POR: variants seen among roughly 807,000 people sequenced by gnomAD.
The protein encoded by POR is cytochrome p450 oxidoreductase, also known as NADPH--cytochrome P450 reductase.
In POR, 56 loss-of-function variants were observed where a neutral mutation model predicts 84.0. That is an observed-to-expected ratio of 0.67 (90% CI 0.54 to 0.83). The LOEUF (loss-of-function observed/expected upper bound fraction) is 0.83. Ranked by LOEUF, POR falls within the 40% of genes least tolerant of loss-of-function variation. POR has a pLI of 0.00. For synonymous variants in POR, 414 were observed against 400.5 expected (o/e 1.03, Z -0.40); for missense variants, 938 against 944.3 (o/e 0.99, Z 0.09).
At chr7:75,964,919 G>A (rs911815085) in intron 2 of POR, among the ~76,000 whole-genome samples, 2 of 152,058 alleles carry the variant, frequency 1.3e-5, no homozygotes, top group Admixed American at 1.3e-4. Context: ...ACCTGTCATC[G>A]CAGCACTTTG....
intron 2 of POR, among the ~76,000 whole-genome samples, chr7:75,971,727 C>T (rs534731917): frequency 1.1e-4 from 16 of 152,084 alleles, no homozygotes; most frequent in African/African-American, 3.4e-4. Flanking sequence ...CTGACCCTTG[C>T]GCAGGACCTT....
intron 11 of POR, 43 bp from the exon 12 acceptor site, chr7:75,985,015 C>T: frequency 6.3e-7 from 1 of 1,580,766 alleles, no homozygotes; most frequent in Non-Finnish European, 8.6e-7. Context: ...TTTCCGAGCT[C>T]CGTGGGCCCC....
At chr7:75,915,820 G>A (rs1806537383) in intron 1 of POR, 1 of 152,176 alleles carries the variant, frequency 6.6e-6, no homozygotes, top group African/African-American at 2.4e-5. Flanking sequence ...GGGAGCAATT[G>A]GGTAAGAGTT....
At chr7:75,951,521 C>T (rs2116399305) in intron 1 of POR, among the ~76,000 whole-genome samples, 1 of 152,328 alleles carries the variant, frequency 6.6e-6, no homozygotes, top group South Asian at 2.1e-4. Context: ...GGCCTGTTCC[C>T]AGCAGGTTGT....
chr7:75,939,536 C>CTTT (rs3043448), intron 1 of POR, among the ~76,000 whole-genome samples: 3 of 126,098 alleles, frequency 2.4e-5, no homozygotes, highest in Admixed American at 8.3e-5. Flanking sequence ...TACTCAACAG[C>CTTT]TTTTTTTTTT....
chr7:75,983,884 C>T (rs533482743), intron 10 of POR, 28 bp downstream of exon 10: 42 of 1,548,158 alleles, frequency 2.7e-5, no homozygotes, highest in South Asian at 1.1e-4. Context: ...GGCGCCCTGC[C>T]GGGCTCAGGC....
intron 1 of POR, among the ~76,000 whole-genome samples, chr7:75,952,317 C>T (rs1457708743): frequency 1.4e-5 from 2 of 138,514 alleles, no homozygotes; most frequent in African/African-American, 2.8e-5. Context: ...CCGGATGGGG[C>T]GGCTGGCCGG....
intron 1 of POR, among the ~76,000 whole-genome samples, chr7:75,945,666 T>C (rs1554552054): frequency 3.3e-5 from 5 of 151,924 alleles, no homozygotes; most frequent in African/African-American, 7.3e-5. Flanking sequence ...ATGACCCCGC[T>C]CCCCCTGCAG....
In POR at chr7:75,955,139, G is replaced by A. The variant is rs560598782; in HGVS notation, c.188+959G>A. Among the ~76,000 whole-genome samples, 3 of 152,312 alleles carry A rather than the reference G, an allele frequency of 2.0e-5. No individual in the cohort carries two copies. In the South Asian group the frequency reaches 6.2e-4, roughly 32 times the overall value. ...TTACAGGCGTGAGCCACTGTACCCA[G>A]CCTAGAATTGGCATTTTAAAGTCTT... On this transcript the variant is annotated intron_variant, in intron 2 of 15. Coordinates refer to ENST00000461988, the MANE Select transcript of POR (RefSeq NM_000941.3).
chr7:75,975,076 ATTCT>A (rs1343641139), intron 3 of POR, among the ~76,000 whole-genome samples: 10 of 152,064 alleles, frequency 6.6e-5, no homozygotes, highest in African/African-American at 2.4e-4. Context: ...CACCTATATG[ATTCT>A]TTCTTTTCGT....
chr7:75,953,839 C>T (rs1787559484), intron 1 of POR, 150 bp from the exon 2 acceptor site: 1 of 621,268 alleles, frequency 1.6e-6, no homozygotes, highest in Non-Finnish European at 2.7e-6. Flanking sequence ...TGGCAGGAAC[C>T]TGGCTGAGTG....
At chr7:75,919,382 C>CGTGTGTGTGTGTGTGTGTGT (rs56136603) in intron 1 of POR, among the ~76,000 whole-genome samples, 15 of 146,432 alleles carry the variant, frequency 1.0e-4, no homozygotes, top group African/African-American at 2.8e-4. Flanking sequence ...TCTGTGCGTG[C>CGTGTGTGTGTGTGTGTGTGT]GTGTGTGTGT....
chr7:75,917,171 A>G (rs192482144), intron 1 of POR, among the ~76,000 whole-genome samples: 9 of 151,766 alleles, frequency 5.9e-5, no homozygotes, highest in Non-Finnish European at 7.4e-5. Flanking sequence ...GGATTCAAGC[A>G]ATCCTCCCTC....
chr7:75,929,593 C>G lies in POR; in HGVS notation c.-5+14414C>G, dbSNP rs577837920. ...ATTGCCTTGAATGCATAGCAATGAC[C>G]GAACATCAAGGTGAAACGCAAGCAA... On this transcript the variant is annotated intron_variant, in intron 1 of 15. Coordinates refer to ENST00000461988, the MANE Select transcript of POR (RefSeq NM_000941.3). 1.6e-4 allele frequency among the ~76,000 whole-genome samples: 25 copies of G among 152,250 alleles called. No individual in the cohort carries two copies. The South Asian group carries it at 4.8e-3, about 29-fold the overall frequency.
chr7:75,982,617 C>T (rs146386304), intron 8 of POR, among the ~76,000 whole-genome samples: 1 of 152,164 alleles, frequency 6.6e-6, no homozygotes, highest in African/African-American at 2.4e-5. Flanking sequence ...TCCTCTTTGG[C>T]AGAAGGGCTC....
intron 2 of POR, among the ~76,000 whole-genome samples, chr7:75,971,805 G>A (rs941861025): frequency 2.0e-5 from 3 of 152,094 alleles, no homozygotes; most frequent in Non-Finnish European, 4.4e-5. Flanking sequence ...AAGCGATGGC[G>A]TGCACAGGAT....
chr7:75,986,637 C>T lies in POR; in HGVS notation c.*156C>T. The T allele has an allele frequency of 2.1e-6, 2 of 961,776 alleles. No individual in the cohort carries two copies. Among genetic ancestry groups the T allele is most frequent in the Non-Finnish European group, 3.0e-6 (2 of 660,296 alleles). The allele number at this position is 961,776 out of a possible 1,614,324, so 59.6% of individuals were successfully genotyped here. A position where few individuals can be genotyped will look rare whatever the true frequency, so the allele number is the denominator to read the frequency against. ...GGGCCTGGGGTGCATCCTCCTCAGCCCCCAGGCCAGGTGAGGTCCACCGGC... is the reference window on the plus strand; with the variant it reads ...GGGCCTGGGGTGCATCCTCCTCAGCTCCCAGGCCAGGTGAGGTCCACCGGC... On this transcript the variant is annotated 3_prime_UTR_variant, in exon 16 of 16. Transcript: ENST00000461988.
chr7:75,977,932 A>T (rs1788772242), intron 3 of POR, among the ~76,000 whole-genome samples: 1 of 152,214 alleles, frequency 6.6e-6, no homozygotes. Flanking sequence ...CAATTGGCTG[A>T]ACCGAATTGG....
At chr7:75,978,173 G>C (rs1788784246) in intron 3 of POR, among the ~76,000 whole-genome samples, 1 of 152,168 alleles carries the variant, frequency 6.6e-6, no homozygotes, top group Non-Finnish European at 1.5e-5. Flanking sequence ...TGTGGGTATA[G>C]AAAGAAAATA....
Sources: gnomAD v4.1 joint callset for allele counts (sites outside exome capture counted in the v4.1 genomes callset) on GRCh38, gnomAD v4.1.1 for gene constraint, MANE v1.5 for transcripts, NCBI Gene and HGNC (gene_info 2026-07-23, HGNC 2026-07-21) for gene names.